The following STARD8 variants were observed in gnomAD, a reference collection of about 807,000 sequenced individuals.
The protein encoded by STARD8 is StAR related lipid transfer domain containing 8, also known as stAR-related lipid transfer protein 8.
Under a neutral mutation model 69.4 loss-of-function variants are expected in STARD8, and 25 were observed. The observed-to-expected ratio is 0.36, with a 90% confidence interval of 0.26 to 0.50. STARD8 has a LOEUF of 0.50. Ranked by LOEUF, STARD8 falls within the 20% of genes least tolerant of loss-of-function variation. The pLI is 0.96. For missense variants in STARD8, 921 were observed against 932.5 expected (o/e 0.99, Z 0.16); for synonymous variants, 389 against 374.6 (o/e 1.04, Z -0.45).
chrX:68,674,042 C>T (rs760362124), intron 2 of STARD8, among the ~76,000 whole-genome samples: 3 of 111,228 alleles, frequency 2.7e-5, no homozygotes, highest in East Asian at 5.7e-4. Flanking sequence ...ACCTGTAATC[C>T]CAGCACTTTG....
At chrX:68,674,068 T>C (rs1156700976) in intron 2 of STARD8, among the ~76,000 whole-genome samples, 4 of 110,748 alleles carry the variant, frequency 3.6e-5, no homozygotes, top group Non-Finnish European at 7.6e-5. Flanking sequence ...CCAAGGCGGG[T>C]GGATCACCTG....
At chrX:68,672,721 C>T (rs116472318) in intron 2 of STARD8, among the ~76,000 whole-genome samples, 5 of 111,133 alleles carry the variant, frequency 4.5e-5, no homozygotes, top group African/African-American at 1.7e-4. Context: ...GCGCCCCACC[C>T]CCCATGGCAG....
intron 2 of STARD8, among the ~76,000 whole-genome samples, chrX:68,675,874 C>T (rs958179631): frequency 7.2e-5 from 8 of 111,807 alleles, no homozygotes; most frequent in Non-Finnish European, 1.5e-4. Context: ...TCATTCATCA[C>T]TGGGGCTGAA....
At chrX:68,682,603 TTCCTTA>T (rs1206633082) in intron 2 of STARD8, among the ~76,000 whole-genome samples, 1 of 112,711 alleles carries the variant, frequency 8.9e-6, no homozygotes, top group African/African-American at 3.2e-5. Context: ...ATGTCTTCAT[TTCCTTA>T]TCTGTAAAAT....
intron 2 of STARD8, among the ~76,000 whole-genome samples, chrX:68,666,832 G>A (rs2079686669): frequency 8.9e-6 from 1 of 112,147 alleles, no homozygotes; most frequent in Non-Finnish European, 1.9e-5. Flanking sequence ...ACTTCTGAGG[G>A]CACAAGGTCT....
intron 2 of STARD8, among the ~76,000 whole-genome samples, chrX:68,668,286 T>TTC (rs1364332939): frequency 3.3e-4 from 30 of 91,582 alleles, no homozygotes; most frequent in Middle Eastern, 5.2e-3. Context: ...CTTTCTTTCT[T>TTC]TCTTTCTTTC....
chrX:68,652,807 CA>C (rs2079558724), intron 1 of STARD8, among the ~76,000 whole-genome samples: 1 of 74,352 alleles, frequency 1.3e-5, no homozygotes, highest in East Asian at 4.8e-4. Flanking sequence ...CCACACACCA[CA>C]CACACACCCC....
At chrX:68,692,273 GTCCTGCCA>G (rs1270992675) in intron 2 of STARD8, among the ~76,000 whole-genome samples, 1 of 112,166 alleles carries the variant, frequency 8.9e-6, no homozygotes, top group Non-Finnish European at 1.9e-5. Context: ...ACGAGGGGCA[GTCCTGCCA>G]TCAAGAGGAA....
chrX:68,662,646 A>G (rs753902935), intron 1 of STARD8, among the ~76,000 whole-genome samples: 1 of 110,995 alleles, frequency 9.0e-6, no homozygotes, highest in East Asian at 2.8e-4. Context: ...ATCCTTTTCT[A>G]TTCTCTCCCT....
In STARD8 at chrX:68,721,738, C is replaced by T. The variant is rs753893477; in HGVS notation, c.2451C>T (p.Pro817=). The change falls in exon 10 of 15, where the codon CCC becomes CCT. Residue 817 remains proline, a synonymous_variant. Coordinates refer to ENST00000374599, the MANE Select transcript of STARD8 (RefSeq NM_001142503.3). The stretch of plus-strand genomic sequence containing the variant: ...TCAATGTCTCTAAGAAGGATAGCCC[C>T]TCTCCCAGGTGAAATGGTGCACGGC... ...FHLNVSKKDS[P]SPRIKSKRSL... 1.7e-6 allele frequency: 2 copies of T among 1,208,530 alleles called. No individual in the cohort carries two copies. Among genetic ancestry groups the T allele is most frequent in the South Asian group, 1.8e-5 (1 of 56,565 alleles).
At chrX:68,653,896 G>A (rs778793791) in intron 1 of STARD8, among the ~76,000 whole-genome samples, 1 of 111,864 alleles carries the variant, frequency 8.9e-6, no homozygotes, top group Admixed American at 9.4e-5. Context: ...AGGGGTGCCC[G>A]GAACACAAAT....
chrX:68,716,214 C>T (rs903601738), intron 4 of STARD8, among the ~76,000 whole-genome samples, 154 bp from the exon 5 acceptor site: 4 of 112,034 alleles, frequency 3.6e-5, no homozygotes, highest in Non-Finnish European at 7.5e-5. Flanking sequence ...CATAATCTTC[C>T]CAGCATTGTG....
rs768922104 is a variant in STARD8 at position 68,717,886 on chromosome X, A to G, written c.972A>G (p.Gly324=). The G allele has an allele frequency of 8.3e-7, 1 of 1,208,496 alleles. No individual in the cohort carries two copies. Among genetic ancestry groups the G allele is most frequent in the East Asian group, 3.0e-5 (1 of 33,671 alleles). Residue 324 remains glycine (G), a synonymous_variant, in exon 6 of 15, where the codon GGA becomes GGG. Transcript: ENST00000374599. ...LSIESLCPED[G]HRLADWQPGR... is the part of the protein sequence containing the mutation. ...TTGAGAGCCTGTGTCCTGAGGATGG[A>G]CACCGCCTGGCAGACTGGCAGCCAG...
intron 2 of STARD8, among the ~76,000 whole-genome samples, chrX:68,675,848 C>G (rs764080544): frequency 7.2e-5 from 8 of 111,598 alleles, no homozygotes; most frequent in Non-Finnish European, 1.3e-4. Context: ...CTTTGAGGCC[C>G]GGTTTGCAGC....
At chrX:68,648,215 G>A (rs941249180) in intron 1 of STARD8, among the ~76,000 whole-genome samples, 12 of 111,722 alleles carry the variant, frequency 1.1e-4, no homozygotes, top group Non-Finnish European at 2.1e-4. Context: ...TAACCTCTCT[G>A]AACCTCAGTT....
chrX:68,695,682 G>A (rs2079914388), intron 2 of STARD8, among the ~76,000 whole-genome samples: 1 of 111,660 alleles, frequency 9.0e-6, no homozygotes, highest in African/African-American at 3.3e-5. Flanking sequence ...GGATGGCAGA[G>A]CCTTCCTTAT....
chrX:68,725,446 A>G lies in STARD8; in HGVS notation c.*1024A>G, dbSNP rs1213258990. On this transcript the variant is annotated 3_prime_UTR_variant, in exon 15 of 15. Coordinates refer to ENST00000374599, the MANE Select transcript of STARD8 (RefSeq NM_001142503.3). ...GAAATTCAAATGCCATTCAAAGGCC[A>G]CTGGTGCTTTATTTTTCTATCTGCT... is the stretch of plus-strand genomic sequence containing the variant. 9.1e-6 allele frequency: 1 copy of G among 109,818 alleles called. No homozygotes were observed. The highest frequency in any genetic ancestry group is 3.3e-5 in the African/African-American group (1 of 30,012). The allele number at this position is 109,818 out of a possible 1,213,427, so 9.1% of individuals were successfully genotyped here.
chrX:68,722,784 A>G, intron 12 of STARD8, 138 bp downstream of exon 12: 1 of 572,876 alleles, frequency 1.7e-6, no homozygotes, highest in Non-Finnish European at 2.7e-6. Flanking sequence ...GTCCTTGGAG[A>G]ATGTCAGAGA....
chrX:68,653,667 C>T (rs762227258), intron 1 of STARD8, among the ~76,000 whole-genome samples: 1 of 87,317 alleles, frequency 1.1e-5, no homozygotes, highest in Admixed American at 1.3e-4. Context: ...CACATACACC[C>T]CCCAACACAC....
Sources: allele counts gnomAD v4.1 joint callset (sites outside exome capture counted in the v4.1 genomes callset), GRCh38; gene constraint gnomAD v4.1.1; transcripts MANE v1.5; gene names NCBI Gene and HGNC (gene_info 2026-07-23, HGNC 2026-07-21).